Variants in IGSF3 observed in about 807,000 individuals in gnomAD.
IGSF3 encodes glu-Trp-Ile EWI motif-containing protein 3.
IGSF3 carries 23 observed loss-of-function variants against 114.4 expected under a neutral mutation model. That is an observed-to-expected ratio of 0.20 (90% CI 0.14 to 0.28). IGSF3 has a LOEUF of 0.28. Among genes scored for constraint, IGSF3 ranks in the 10% least tolerant of loss-of-function variants. The probability of loss-of-function intolerance (pLI) is 1.00; values close to 1 mark genes in which losing one functional copy is unlikely to be tolerated. For synonymous variants in IGSF3, 571 were observed against 645.2 expected, an observed-to-expected ratio of 0.88 and a Z score of 1.74; for missense variants, 1,172 against 1,591.5, an observed-to-expected ratio of 0.74 and a Z score of 4.48.
rs1372236726 is a variant in IGSF3 at position 116,636,766 on chromosome 1, C to G, written c.44-20309G>C. Among the ~76,000 whole-genome samples, 7 of 152,126 alleles carry G rather than the reference C, an allele frequency of 4.6e-5. No individual in the cohort carries two copies. The highest frequency in any genetic ancestry group is 8.8e-5 in the Non-Finnish European group (6 of 68,012). The stretch of plus-strand genomic sequence containing the variant: ...CCAGCTTTCTCACCACCCACCCCAC[C>G]CCTTCCACACTCCAAAGACAGCATC... On this transcript the variant is annotated intron_variant, in intron 2 of 10. Coordinates refer to ENST00000369486, the MANE Select transcript of IGSF3 (RefSeq NM_001007237.3). This position sits in a 1 kb window ranked among gnomAD's most constrained non-coding sequence, Gnocchi z 4.5.
At position 116,582,199 on chromosome 1, in the gene IGSF3, A is replaced by G. The variant is rs779510788; in HGVS notation, c.2849-2322T>C. Among the ~76,000 whole-genome samples the G allele has an allele frequency of 4.6e-5, 7 of 152,076 alleles. No individual in the cohort carries two copies. The highest frequency in any genetic ancestry group is 1.0e-4 in the Non-Finnish European group (7 of 68,022). ...CTCCCCTTAACATGTTTCTCTACCAATTTAGTTCCCTGAATCTGCCCCCTT... is the reference window on the plus strand; with the variant it reads ...CTCCCCTTAACATGTTTCTCTACCAGTTTAGTTCCCTGAATCTGCCCCCTT... On this transcript the variant is annotated intron_variant, in intron 9 of 10. Transcript: ENST00000369486. This position sits in a 1 kb window ranked among gnomAD's most constrained non-coding sequence, Gnocchi z 4.7.
chr1:116,613,559 C>T (rs749695211), intron 4 of IGSF3, among the ~76,000 whole-genome samples: 1 of 152,224 alleles, frequency 6.6e-6, no homozygotes, highest in Non-Finnish European at 1.5e-5. Flanking sequence ...GTCTGTGTGG[C>T]ACCTGCCTGT....
In IGSF3 at chr1:116,588,305, C is replaced by A. The variant is rs1659940082; in HGVS notation, c.2440+389G>T. Among the ~76,000 whole-genome samples the A allele has an allele frequency of 6.6e-6, 1 of 152,154 alleles. No individual in the cohort carries two copies. Among genetic ancestry groups the A allele is most frequent in the Non-Finnish European group, 1.5e-5 (1 of 68,028 alleles). On this transcript the variant is annotated intron_variant, in intron 8 of 10. Transcript: ENST00000369486. The surrounding 1 kb of genome is among the most constrained non-coding windows in gnomAD (Gnocchi z 4.9). ...GCAGATGCATAAAACCAGAAAATGC[C>A]TTCTAGGTAGGAACTCTGGGTGTGG...
At position 116,634,356 on chromosome 1, in the gene IGSF3, C is replaced by T. The variant is rs980877941; in HGVS notation, c.44-17899G>A. On this transcript the variant is annotated intron_variant, in intron 2 of 10. Transcript: ENST00000369486. This position sits in a 1 kb window ranked among gnomAD's most constrained non-coding sequence, Gnocchi z 4.2. ...GGAGAGAACAACTAAAAAACAAGAG[C>T]CACGTGTTCCCATGGTCCTGGCCAA... Among the ~76,000 whole-genome samples the T allele has an allele frequency of 1.3e-5, 2 of 152,190 alleles. No individual in the cohort carries two copies. Among genetic ancestry groups the T allele is most frequent in the African/African-American group, 4.8e-5 (2 of 41,454 alleles).
At chr1:116,599,420 A>AC (rs55740416) in intron 7 of IGSF3, among the ~76,000 whole-genome samples, 23 of 151,766 alleles carry the variant, frequency 1.5e-4, no homozygotes, top group African/African-American at 4.9e-5. Flanking sequence ...ACACACACAC[A>AC]AACACACAGG....
In IGSF3 at chr1:116,654,682, G is replaced by A. The variant is rs1296161748; in HGVS notation, c.43+11602C>T. On this transcript the variant is annotated intron_variant, in intron 2 of 10. Transcript: ENST00000369486. The surrounding 1 kb of genome is among the most constrained non-coding windows in gnomAD (Gnocchi z 4.4). ...GACGGTGTCTCCTCTCTGGTGGGAA[G>A]TATGTGATTTCTCTATTTCTATTTC... 6.6e-6 allele frequency among the ~76,000 whole-genome samples: 1 copy of A among 152,184 alleles called. No homozygotes were observed. Among genetic ancestry groups the A allele is most frequent in the Non-Finnish European group, 1.5e-5 (1 of 68,036 alleles).
At position 116,610,793 on chromosome 1, in the gene IGSF3, G is replaced by A. The variant is rs1187738468; in HGVS notation, c.833-2462C>T. On this transcript the variant is annotated intron_variant, in intron 4 of 10. Transcript: ENST00000369486. This position sits in a 1 kb window ranked among gnomAD's most constrained non-coding sequence, Gnocchi z 4.3. The stretch of plus-strand genomic sequence containing the variant: ...CAGGGCCCTGATCACTCTCAGGCTC[G>A]GTCTCTGAGCCCCAGACCCCTGTGT... Among the ~76,000 whole-genome samples, 1 of 152,072 alleles carries A rather than the reference G, an allele frequency of 6.6e-6. No homozygotes were observed. The highest frequency in any genetic ancestry group is 1.5e-5 in the Non-Finnish European group (1 of 68,014).
At chr1:116,604,996 A>G (rs1280695289) in intron 5 of IGSF3, among the ~76,000 whole-genome samples, 1 of 152,204 alleles carries the variant, frequency 6.6e-6, no homozygotes, top group East Asian at 1.9e-4. Flanking sequence ...CATGATCATG[A>G]TTAATTTTAC....
chr1:116,584,403 A>T lies in IGSF3; in HGVS notation c.2848+242T>A. 1 of 500,064 alleles carries T rather than the reference A, an allele frequency of 2.0e-6. No homozygotes were observed. 31.0% of individuals were successfully genotyped at this position (500,064 alleles called of 1,614,324 possible). A position where few individuals can be genotyped will look rare whatever the true frequency, so the allele number is the denominator to read the frequency against. ...AAATATTCTATGACCTGGAATAATTAATGGCCAGATTTTATTCTATTTAAG... is the reference window on the plus strand; with the variant it reads ...AAATATTCTATGACCTGGAATAATTTATGGCCAGATTTTATTCTATTTAAG... On this transcript the variant is annotated intron_variant, in intron 9 of 10. Coordinates refer to ENST00000369486, the MANE Select transcript of IGSF3 (RefSeq NM_001007237.3). The surrounding 1 kb of genome is among the most constrained non-coding windows in gnomAD (Gnocchi z 5.8).
chr1:116,635,889 G>A (rs1209290283), intron 2 of IGSF3, among the ~76,000 whole-genome samples: 2 of 152,330 alleles, frequency 1.3e-5, no homozygotes, highest in East Asian at 3.9e-4. Flanking sequence ...CTTCCTCAGT[G>A]CCTTATGCAG....
rs1025570381 is a variant in IGSF3 at position 116,648,364 on chromosome 1, G to C, written c.43+17920C>G. Among the ~76,000 whole-genome samples the C allele has an allele frequency of 6.6e-6, 1 of 152,208 alleles. No individual in the cohort carries two copies. The highest frequency in any genetic ancestry group is 1.5e-5 in the Non-Finnish European group (1 of 68,038). On this transcript the variant is annotated intron_variant, in intron 2 of 10. Transcript: ENST00000369486. This position sits in a 1 kb window ranked among gnomAD's most constrained non-coding sequence, Gnocchi z 4.7. Reference sequence around the variant, plus strand: ...TATTAGGAGTTGAGGTGTTCGGTTAGAGAAGAAACAGGATGCACGGGAGAT... The same window carrying C: ...TATTAGGAGTTGAGGTGTTCGGTTACAGAAGAAACAGGATGCACGGGAGAT...
At chr1:116,653,157 AGATTAGTTACTTAAAATCCTCCACAT>A (rs1258058428) in intron 2 of IGSF3, among the ~76,000 whole-genome samples, 1 of 152,228 alleles carries the variant, frequency 6.6e-6, no homozygotes, top group African/African-American at 2.4e-5. Flanking sequence ...ATGTCTTAAG[AGATTAGTTACTTAAAATCCTCCACAT>A]GACTTCAGTC....
At chr1:116,639,523 C>T (rs539569606) in intron 2 of IGSF3, among the ~76,000 whole-genome samples, 2 of 152,344 alleles carry the variant, frequency 1.3e-5, no homozygotes, top group Non-Finnish European at 2.9e-5. Flanking sequence ...TCAGTCTACA[C>T]AGAGGCAAGA....
rs1176188551 is a variant in IGSF3, at chr1:116,634,140, A to C, written c.44-17683T>G. On this transcript the variant is annotated intron_variant, in intron 2 of 10. Coordinates refer to ENST00000369486, the MANE Select transcript of IGSF3 (RefSeq NM_001007237.3). This position sits in a 1 kb window ranked among gnomAD's most constrained non-coding sequence, Gnocchi z 4.2. ...AGCAGACTTAATTTGCACTGTGTAC[A>C]TCCTTCGGTATCCTTTTTAATTGAA... Among the ~76,000 whole-genome samples, 1 of 152,262 alleles carries C rather than the reference A, an allele frequency of 6.6e-6. No homozygotes were observed. Among genetic ancestry groups the C allele is most frequent in the Non-Finnish European group, 1.5e-5 (1 of 68,050 alleles).
rs1255608588 is a variant in IGSF3 at position 116,655,947 on chromosome 1, T to A, written c.43+10337A>T. Among the ~76,000 whole-genome samples, 1 of 152,206 alleles carries A rather than the reference T, an allele frequency of 6.6e-6. No individual in the cohort carries two copies. Among genetic ancestry groups the A allele is most frequent in the Non-Finnish European group, 1.5e-5 (1 of 68,036 alleles). ...GTAATATTTTTATTATGACTTGCTC[T>A]CCTGATACAGCAAAATTTATTGTTA... On this transcript the variant is annotated intron_variant, in intron 2 of 10. Transcript: ENST00000369486. This position sits in a 1 kb window ranked among gnomAD's most constrained non-coding sequence, Gnocchi z 4.3.
intron 2 of IGSF3, among the ~76,000 whole-genome samples, chr1:116,640,384 C>T (rs1232817599): frequency 6.6e-6 from 1 of 152,192 alleles, no homozygotes; most frequent in Non-Finnish European, 1.5e-5. Flanking sequence ...CACCCCCTTT[C>T]AAGCCCCACT....
At chr1:116,608,453 C>A (rs1660884832) in intron 4 of IGSF3, 122 bp from the exon 5 acceptor site, 3 of 760,752 alleles carry the variant, frequency 3.9e-6, no homozygotes, top group Non-Finnish European at 2.1e-6. Flanking sequence ...CGGGGAGGAC[C>A]ACAGCACTTA....
chr1:116,654,497 C>A lies in IGSF3; in HGVS notation c.43+11787G>T, dbSNP rs189703453. ...CCTGCCCTTCATCGAGCTGCTACAG[C>A]AGCTTCTGGGAATTTGTAAGAGCCA... On this transcript the variant is annotated intron_variant, in intron 2 of 10. Coordinates refer to ENST00000369486, the MANE Select transcript of IGSF3 (RefSeq NM_001007237.3). This position sits in a 1 kb window ranked among gnomAD's most constrained non-coding sequence, Gnocchi z 4.4. Among the ~76,000 whole-genome samples the A allele has an allele frequency of 4.4e-3, 665 of 152,340 alleles. 2 individuals carry two copies. Among genetic ancestry groups the A allele is most frequent in the African/African-American group, 0.015 (616 of 41,576 alleles).
chr1:116,666,332 C>T lies in IGSF3; in HGVS notation c.-6G>A. The T allele has an allele frequency of 6.2e-7, 1 of 1,614,092 alleles. No individual in the cohort carries two copies. Among genetic ancestry groups the T allele is most frequent in the Non-Finnish European group, 8.5e-7 (1 of 1,179,938 alleles). On this transcript the variant is annotated 5_prime_UTR_variant, in exon 2 of 11. Coordinates refer to ENST00000369486, the MANE Select transcript of IGSF3 (RefSeq NM_001007237.3). ...ACCGGGAAAAAGCACTTCATGTCGG[C>T]AGCCTCCAGGAGACACAACACAAGG...
Sources: allele counts gnomAD v4.1 joint callset (sites outside exome capture counted in the v4.1 genomes callset), GRCh38; gene constraint gnomAD v4.1.1; non-coding constraint Gnocchi (gnomAD v3.1); transcripts MANE v1.5; gene names NCBI Gene and HGNC (gene_info 2026-07-23, HGNC 2026-07-21).